The following PARN variants were observed in gnomAD, a reference collection of about 807,000 sequenced individuals.
PARN encodes poly(A)-specific ribonuclease.
Under a neutral mutation model 102.8 loss-of-function variants are expected in PARN, and 71 were observed. That is an observed-to-expected ratio of 0.69 (90% CI 0.57 to 0.84). PARN has a LOEUF of 0.84. Ranked by LOEUF, PARN falls within the 40% of genes least tolerant of loss-of-function variation. PARN has a pLI of 0.00. For synonymous variants in PARN, 261 were observed against 252.9 expected (o/e 1.03, Z -0.30); for missense variants, 782 against 760.9 (o/e 1.03, Z -0.33).
intron 5 of PARN, among the ~76,000 whole-genome samples, chr16:14,618,418 G>A (rs1003197325): frequency 4.9e-4 from 74 of 151,556 alleles, no homozygotes; most frequent in African/African-American, 1.8e-3. Flanking sequence ...AACCCGAGAG[G>A]TGGAGCTTGC....
chr16:14,611,688 G>A (rs1971527327), intron 6 of PARN, among the ~76,000 whole-genome samples: 1 of 152,154 alleles, frequency 6.6e-6, no homozygotes, highest in African/African-American at 2.4e-5. Context: ...TTACAAGCGT[G>A]CACCATCACA....
rs193096384 is a variant in PARN, at chr16:14,599,511, T to C, written c.840+393A>G. ...GTAGCACTAAACAAAGACATCATTATTTTTACCCTCTAGATTCTTCTACTT... is the reference window on the plus strand; with the variant it reads ...GTAGCACTAAACAAAGACATCATTACTTTTACCCTCTAGATTCTTCTACTT... On this transcript the variant is annotated intron_variant, in intron 12 of 23. Transcript: ENST00000437198. Among the ~76,000 whole-genome samples, 3 of 152,352 alleles carry C rather than the reference T, an allele frequency of 2.0e-5. No homozygotes were observed. In the East Asian group the frequency reaches 5.8e-4, roughly 29 times the overall value.
Position 14,617,640 on chromosome 16 carries a change from A to G in PARN, c.338T>C (p.Ile113Thr), listed in dbSNP as rs376765477. 18 of 1,595,280 alleles carry G rather than the reference A, an allele frequency of 1.1e-5. No individual in the cohort carries two copies. The highest frequency in any genetic ancestry group is 7.7e-5 in the South Asian group (7 of 90,698). Residue 113 changes from isoleucine (I) to threonine (T), a missense_variant, in exon 6 of 24, where the codon ATT (isoleucine) becomes ACT (threonine). Physicochemically the swap from Ile to Thr is moderately conservative, Grantham distance 89. Transcript: ENST00000437198. ...DVKFVCQSSS[I>T]DFLASQGFDF... ...AAATCCCTGGCTTGCTAGAAAGTCA[A>G]TGCTGGAGCTCTGAAACAGAGTAAA...
chr16:14,619,148 G>A (rs1436986286), intron 5 of PARN, among the ~76,000 whole-genome samples: 2 of 151,868 alleles, frequency 1.3e-5, no homozygotes, highest in African/African-American at 4.8e-5. Context: ...GGCTGTAGTG[G>A]GCTACCATCA....
intron 21 of PARN, among the ~76,000 whole-genome samples, chr16:14,527,015 C>G (rs1306018916): frequency 6.6e-6 from 1 of 152,240 alleles, no homozygotes; most frequent in East Asian, 1.9e-4. Context: ...AACAAACACT[C>G]CAGTCTTGCA....
At chr16:14,574,079 C>A (rs1056298173) in intron 18 of PARN, among the ~76,000 whole-genome samples, 38 of 152,152 alleles carry the variant, frequency 2.5e-4, no homozygotes, top group African/African-American at 9.2e-4. Flanking sequence ...AAGTTTGGAA[C>A]TCCCTAGAGA....
intron 22 of PARN, among the ~76,000 whole-genome samples, chr16:14,479,312 T>G (rs979557412): frequency 6.6e-6 from 1 of 151,876 alleles, no homozygotes; most frequent in Non-Finnish European, 1.5e-5. Context: ...GTCCCAGCTA[T>G]TTGGGTGGCT....
chr16:14,444,976 TA>T (rs1157230076), intron 23 of PARN, among the ~76,000 whole-genome samples: 1 of 150,474 alleles, frequency 6.6e-6, no homozygotes, highest in Non-Finnish European at 1.5e-5. Context: ...GTGCAGCTAA[TA>T]TTTAAATTTT....
chr16:14,516,504 A>G (rs1486410537), intron 21 of PARN, among the ~76,000 whole-genome samples: 1 of 152,168 alleles, frequency 6.6e-6, no homozygotes, highest in South Asian at 2.1e-4. Context: ...GTAAGTCAAG[A>G]AAAAAAAGTC....
intron 6 of PARN, among the ~76,000 whole-genome samples, chr16:14,611,049 T>C (rs1234157208): frequency 6.6e-6 from 1 of 152,218 alleles, no homozygotes. Context: ...TATTAGGCAC[T>C]GGGGAATGAA....
intron 19 of PARN, among the ~76,000 whole-genome samples, chr16:14,554,978 G>T (rs909037742): frequency 6.6e-6 from 1 of 152,102 alleles, no homozygotes; most frequent in Non-Finnish European, 1.5e-5. Context: ...AACCACTCTG[G>T]ACTATAAACT....
chr16:14,506,990 C>T (rs1186449486), intron 21 of PARN, among the ~76,000 whole-genome samples: 2 of 152,160 alleles, frequency 1.3e-5, no homozygotes, highest in Admixed American at 6.5e-5. Flanking sequence ...GTTGGAGAAG[C>T]GTAACTAATA....
intron 21 of PARN, among the ~76,000 whole-genome samples, chr16:14,523,558 AAC>A (rs1965847606): frequency 1.3e-5 from 2 of 152,206 alleles, no homozygotes; most frequent in African/African-American, 4.8e-5. Flanking sequence ...CATTTCTCCG[AAC>A]ACAGTCAGAG....
intron 21 of PARN, among the ~76,000 whole-genome samples, chr16:14,541,825 T>C (rs2151689304): frequency 6.6e-6 from 1 of 152,270 alleles, no homozygotes; most frequent in South Asian, 2.1e-4. Flanking sequence ...TTCTAAGGAA[T>C]GTAACTAAAT....
chr16:14,532,800 GC>G (rs1212753463), intron 21 of PARN, among the ~76,000 whole-genome samples: 2 of 150,256 alleles, frequency 1.3e-5, no homozygotes, highest in Non-Finnish European at 1.5e-5. Flanking sequence ...GGCTGGCCGG[GC>G]GGGGGGCTGA....
intron 15 of PARN, 104 bp from the exon 16 acceptor site, chr16:14,584,526 C>A: frequency 1.1e-6 from 1 of 912,668 alleles, no homozygotes; most frequent in Non-Finnish European, 1.7e-6. Flanking sequence ...CTAGTACTGT[C>A]TCCTTGTGTT....
rs541592866 is a variant in PARN at position 14,480,447 on chromosome 16, T to C, written c.1670+2191A>G. Among the ~76,000 whole-genome samples the C allele has an allele frequency of 2.0e-4, 31 of 152,310 alleles. 1 individual carries two copies. The highest frequency in any genetic ancestry group is 1.7e-3 in the Admixed American group (26 of 15,300). Reference sequence around the variant, plus strand: ...CAGCAAAAATATCTGACAAAGGCTATGTATCCAGACTACATACAAGAACTA... The same window carrying C: ...CAGCAAAAATATCTGACAAAGGCTACGTATCCAGACTACATACAAGAACTA... On this transcript the variant is annotated intron_variant, in intron 22 of 23. Transcript: ENST00000437198.
At chr16:14,511,296 G>A (rs146265028) in intron 21 of PARN, among the ~76,000 whole-genome samples, 1 of 152,076 alleles carries the variant, frequency 6.6e-6, no homozygotes, top group African/African-American at 2.4e-5. Context: ...TGGCTTGTTC[G>A]ATGAACACAA....
chr16:14,568,898 AAAATT>A (rs1285200423), intron 18 of PARN, among the ~76,000 whole-genome samples: 1 of 151,800 alleles, frequency 6.6e-6, no homozygotes, highest in Admixed American at 6.6e-5. Context: ...CATCTCAAAA[AAAATT>A]AAATTAAATT....
Sources: allele counts gnomAD v4.1 joint callset (sites outside exome capture counted in the v4.1 genomes callset), GRCh38; gene constraint gnomAD v4.1.1; transcripts MANE v1.5; gene names NCBI Gene and HGNC (gene_info 2026-07-23, HGNC 2026-07-21).